Variants in MAD1L1 observed in about 807,000 individuals in gnomAD.
The protein encoded by MAD1L1 is mitotic spindle assembly checkpoint protein MAD1.
In MAD1L1, 95 loss-of-function variants were observed where a neutral mutation model predicts 96.9. The ratio of observed to expected loss-of-function variants is 0.98; its 90% CI spans 0.83 to 1.16. The LOEUF is 1.16. MAD1L1 is among the 50% of genes most tolerant of loss of function. MAD1L1 has a pLI of 0.00. For missense variants in MAD1L1, 1,007 were observed against 954.4 expected (o/e 1.06, Z -0.73); for synonymous variants, 473 against 396.6 (o/e 1.19, Z -2.29).
At chr7:2,057,549 T>C (rs1288398678) in intron 12 of MAD1L1, among the ~76,000 whole-genome samples, 2 of 127,142 alleles carry the variant, frequency 1.6e-5, no homozygotes, top group Non-Finnish European at 3.2e-5. Flanking sequence ...AGTTGGGGAA[T>C]GAAACATTAA....
At chr7:1,938,924 C>A (rs1367465589) in intron 16 of MAD1L1, among the ~76,000 whole-genome samples, 1 of 141,716 alleles carries the variant, frequency 7.1e-6, no homozygotes, top group Non-Finnish European at 1.5e-5. Flanking sequence ...CACACACACA[C>A]ACACATACAG....
At chr7:2,204,606 G>T (rs1792493286) in intron 10 of MAD1L1, among the ~76,000 whole-genome samples, 1 of 152,258 alleles carries the variant, frequency 6.6e-6, no homozygotes, top group Non-Finnish European at 1.5e-5. Flanking sequence ...CTCAGCAAGA[G>T]AGACCCTTTC....
chr7:2,077,476 A>C (rs927902666), intron 11 of MAD1L1, among the ~76,000 whole-genome samples: 2 of 152,130 alleles, frequency 1.3e-5, no homozygotes, highest in Admixed American at 1.3e-4. Context: ...GAGCACCCCC[A>C]TAGGGCTGGG....
rs1484714666 is a variant in MAD1L1, at chr7:1,983,150, G to GCA, written c.1417-2610_1417-2609insTG. On this transcript the variant is annotated intron_variant, in intron 14 of 18. Transcript: ENST00000265854. ...CCCACAGACGCGCGCGCGCGCGCGC[G>GCA]CGCGCACACACACACACACACACAC... is the stretch of plus-strand genomic sequence containing the variant. 9.6e-5 allele frequency among the ~76,000 whole-genome samples: 9 copies of GCA among 93,294 alleles called. No individual in the cohort carries two copies. The South Asian group carries it at 1.1e-3, about 11-fold the overall frequency. The allele number at this position is 93,294 out of a possible 152,430, so 61.2% of individuals were successfully genotyped here. A position where few individuals can be genotyped will look rare whatever the true frequency, so the allele number is the denominator to read the frequency against.
At chr7:2,033,169 G>A (rs1783309179) in intron 12 of MAD1L1, among the ~76,000 whole-genome samples, 1 of 152,250 alleles carries the variant, frequency 6.6e-6, no homozygotes, top group African/African-American at 2.4e-5. Context: ...GCCCTGTGCT[G>A]GCCAGGAGGT....
intron 13 of MAD1L1, among the ~76,000 whole-genome samples, chr7:2,008,517 G>A (rs766389865): frequency 1.6e-4 from 24 of 152,262 alleles, no homozygotes; most frequent in African/African-American, 5.3e-4. Flanking sequence ...CCGCAAGGCA[G>A]TGTAGGGTGC....
chr7:2,168,121 C>T (rs1238780916), intron 10 of MAD1L1, among the ~76,000 whole-genome samples: 3 of 152,042 alleles, frequency 2.0e-5, no homozygotes, highest in Admixed American at 1.3e-4. Context: ...CCCATCTCTA[C>T]TAAAAATACA....
intron 18 of MAD1L1, among the ~76,000 whole-genome samples, chr7:1,860,740 C>A (rs750397663): frequency 6.6e-6 from 1 of 152,170 alleles, no homozygotes; most frequent in Non-Finnish European, 1.5e-5. Flanking sequence ...CACCCCGGGG[C>A]CTGACCTCCG....
intron 10 of MAD1L1, among the ~76,000 whole-genome samples, chr7:2,171,606 G>C (rs1790710789): frequency 6.6e-6 from 1 of 151,864 alleles, no homozygotes; most frequent in South Asian, 2.1e-4. Flanking sequence ...CCACGTATGG[G>C]TCACCTCCAC....
rs138179437 is a variant in MAD1L1, at chr7:1,945,614, G to T, written c.1597-8717C>A. The stretch of plus-strand genomic sequence containing the variant: ...TGAAGGGAAGGAGGGTGAGGGCAGC[G>T]GCCATCTGCAGACGCCATGGGGTGC... On this transcript the variant is annotated intron_variant, in intron 16 of 18. Transcript: ENST00000265854. Among the ~76,000 whole-genome samples, 9 of 152,330 alleles carry T rather than the reference G, an allele frequency of 5.9e-5. No individual in the cohort carries two copies. In the East Asian group the frequency reaches 1.7e-3, roughly 29 times the overall value.
intron 11 of MAD1L1, among the ~76,000 whole-genome samples, chr7:2,129,390 C>T (rs887175069): frequency 6.6e-5 from 10 of 152,212 alleles, no homozygotes; most frequent in Non-Finnish European, 1.3e-4. Context: ...TGTGGACAGG[C>T]ACGAGCAGGC....
intron 16 of MAD1L1, among the ~76,000 whole-genome samples, chr7:1,941,642 C>T (rs1436320786): frequency 6.6e-6 from 1 of 152,246 alleles, no homozygotes; most frequent in Non-Finnish European, 1.5e-5. Context: ...CCACCAGGTC[C>T]TGCTCTCCCG....
chr7:2,044,356 T>G (rs1222118364), intron 12 of MAD1L1, among the ~76,000 whole-genome samples: 1 of 152,104 alleles, frequency 6.6e-6, no homozygotes, highest in African/African-American at 2.4e-5. Flanking sequence ...GGATTTGAAC[T>G]CACGCACCCA....
intron 12 of MAD1L1, among the ~76,000 whole-genome samples, chr7:2,047,390 G>A (rs1055725267): frequency 6.6e-6 from 1 of 152,194 alleles, no homozygotes; most frequent in Non-Finnish European, 1.5e-5. Context: ...GGGCAGTTTA[G>A]CTCTTTATGG....
intron 18 of MAD1L1, among the ~76,000 whole-genome samples, chr7:1,834,431 G>A (rs1363594161): frequency 6.6e-6 from 1 of 152,176 alleles, no homozygotes; most frequent in Non-Finnish European, 1.5e-5. Flanking sequence ...TTAACATCAG[G>A]AAGAAGAGGG....
In MAD1L1 at chr7:2,044,661, G is replaced by A. The variant is rs186124580; in HGVS notation, c.1218+24533C>T. ...CCACACAAGCCTCTCCACTGCTCCAGCCTCGGTTTCTCTTCCTGTACAGCG... is the reference window on the plus strand; with the variant it reads ...CCACACAAGCCTCTCCACTGCTCCAACCTCGGTTTCTCTTCCTGTACAGCG... On this transcript the variant is annotated intron_variant, in intron 12 of 18. Transcript: ENST00000265854. Among the ~76,000 whole-genome samples the A allele has an allele frequency of 2.9e-4, 44 of 152,304 alleles. No individual in the cohort carries two copies. In the East Asian group the frequency reaches 8.1e-3, roughly 28 times the overall value.
intron 18 of MAD1L1, among the ~76,000 whole-genome samples, chr7:1,850,372 C>G (rs1783903518): frequency 1.3e-5 from 2 of 152,236 alleles, no homozygotes; most frequent in South Asian, 4.1e-4. Flanking sequence ...CCTGCCACCT[C>G]TGGAGCCACC....
intron 15 of MAD1L1, among the ~76,000 whole-genome samples, chr7:1,971,456 T>G (rs1194879917): frequency 6.6e-6 from 1 of 152,120 alleles, no homozygotes; most frequent in Non-Finnish European, 1.5e-5. Context: ...ACATTAAGAC[T>G]TACAAAAACC....
At position 1,936,770 on chromosome 7, in the gene MAD1L1, A is replaced by T; in HGVS notation, c.1724T>A (p.Leu575Gln). The change falls in exon 17 of 19, where the codon CTG becomes CAG. Residue 575 changes from leucine (L) to glutamine (Q), a missense_variant. Transcript: ENST00000265854. The stretch of plus-strand genomic sequence containing the variant: ...GGTGCCTCCTCTCTCCATGGCGCGC[A>T]GGAGCCCGCGCAGTCGCTCGCACTC... ...QAECERLRGL[L>Q]RAMERGGTVP... 6.4e-7 allele frequency: 1 copy of T among 1,574,704 alleles called. No homozygotes were observed. Among genetic ancestry groups the T allele is most frequent in the African/African-American group, 1.3e-5 (1 of 74,378 alleles).
Sources: gnomAD v4.1 joint callset for allele counts (sites outside exome capture counted in the v4.1 genomes callset) on GRCh38, gnomAD v4.1.1 for gene constraint, MANE v1.5 for transcripts, NCBI Gene and HGNC (gene_info 2026-07-23, HGNC 2026-07-21) for gene names.